Variants in AP1B1 observed in about 807,000 individuals in gnomAD.
The protein encoded by AP1B1 is AP-1 complex subunit beta-1.
In AP1B1, 36 loss-of-function variants were observed where a neutral mutation model predicts 104.3. The ratio of observed to expected loss-of-function variants is 0.35; its 90% CI spans 0.26 to 0.46. AP1B1 has a LOEUF of 0.46. AP1B1 is among the 20% of genes least tolerant of loss of function. The pLI, the probability that AP1B1 is intolerant of heterozygous loss-of-function variation, is 1.00. For synonymous variants in AP1B1, 504 were observed against 517.5 expected, an observed-to-expected ratio of 0.97 and a Z score of 0.35; for missense variants, 901 against 1,247.9, an observed-to-expected ratio of 0.72 and a Z score of 4.19.
intron 5 of AP1B1, among the ~76,000 whole-genome samples, chr22:29,357,672 G>A (rs1461622116): frequency 3.4e-5 from 5 of 149,144 alleles, no homozygotes; most frequent in South Asian, 2.1e-4. Flanking sequence ...GCCACTGCGC[G>A]CGGCCTCAGG....
chr22:29,368,244 G>A (rs2148024432), intron 1 of AP1B1, among the ~76,000 whole-genome samples: 1 of 152,182 alleles, frequency 6.6e-6, no homozygotes, highest in South Asian at 2.1e-4. Context: ...GCTGCAGTAA[G>A]CTGAGACCAC....
chr22:29,362,009 G>T (rs1435470791), intron 3 of AP1B1, among the ~76,000 whole-genome samples: 1 of 152,110 alleles, frequency 6.6e-6, no homozygotes, highest in African/African-American at 2.4e-5. Flanking sequence ...GGCCAGGCTG[G>T]TCTTGAACTC....
intron 21 of AP1B1, chr22:29,330,120 G>A: frequency 7.0e-7 from 1 of 1,420,632 alleles, no homozygotes; most frequent in Middle Eastern, 1.9e-4. Flanking sequence ...CAAACCAACT[G>A]CACCACCTTA....
intron 21 of AP1B1, 173 bp from the exon 22 acceptor site, chr22:29,329,893 G>T: frequency 4.8e-6 from 7 of 1,456,040 alleles, no homozygotes; most frequent in Non-Finnish European, 6.3e-6. Context: ...GGGTGTGGGG[G>T]AGAAGCAGAG....
intron 1 of AP1B1, among the ~76,000 whole-genome samples, chr22:29,378,552 CAAAA>C (rs145933767): frequency 6.2e-5 from 3 of 48,476 alleles, no homozygotes; most frequent in Admixed American, 5.8e-4. Flanking sequence ...AACTCCGTAT[CAAAA>C]AAAAAAAAAA....
chr22:29,342,311 G>A lies in AP1B1; in HGVS notation c.1510C>T (p.Gln504Ter). 6.2e-7 allele frequency: 1 copy of A among 1,614,064 alleles called. No homozygotes were observed. Among genetic ancestry groups the A allele is most frequent in the Non-Finnish European group, 8.5e-7 (1 of 1,179,976 alleles). Residue 504 changes from glutamine (Q) to a stop codon, truncating the protein, a stop_gained, in exon 12 of 23, where the codon CAG (glutamine) becomes TAG (stop). Coordinates refer to ENST00000357586, the MANE Select transcript of AP1B1 (RefSeq NM_001127.4). LOFTEE classifies it high-confidence loss of function. ...TGAGTGGCCAAACTGAGGACCTGCT[G>A]CACCAGCTCCTGGGTCTCTGTTGGC... ...KKPTETQELV[Q>*]QVLSLATQDS...
At chr22:29,361,267 G>A (rs2062041619) in intron 3 of AP1B1, among the ~76,000 whole-genome samples, 1 of 152,216 alleles carries the variant, frequency 6.6e-6, no homozygotes, top group Non-Finnish European at 1.5e-5. Context: ...GCTGCTGGCA[G>A]GAGGTCCTTT....
intron 11 of AP1B1, among the ~76,000 whole-genome samples, chr22:29,344,251 G>A (rs1223398473): frequency 6.6e-6 from 1 of 152,164 alleles, no homozygotes; most frequent in Admixed American, 6.5e-5. Flanking sequence ...CCGGATGCCT[G>A]GAATTATTCA....
In AP1B1 at chr22:29,354,862, C is replaced by T; in HGVS notation, c.726G>A (p.Glu242=). 2 of 1,614,026 alleles carry T rather than the reference C, an allele frequency of 1.2e-6. No homozygotes were observed. The highest frequency in any genetic ancestry group is 1.7e-6 in the Non-Finnish European group (2 of 1,179,960). Residue 242 remains glutamate (E), a synonymous_variant, in exon 7 of 23, where the codon GAG becomes GAA. Coordinates refer to ENST00000357586, the MANE Select transcript of AP1B1 (RefSeq NM_001127.4). ...KDDREAQSIC[E]RVTPRLSHAN... ...CATGGGAGAGCCTGGGGGTGACCCG[C>T]TCACAGATGCTGGGGTCCGTCCATT... is the stretch of plus-strand genomic sequence containing the variant.
chr22:29,354,548 T>C lies in AP1B1; in HGVS notation c.938+102A>G, dbSNP rs2061925536. The C allele has an allele frequency of 2.6e-5, 30 of 1,138,604 alleles. No homozygotes were observed. In the South Asian group the frequency reaches 4.2e-4, roughly 16 times the overall value. The allele number at this position is 1,138,604 out of a possible 1,614,324, so 70.5% of individuals were successfully genotyped here. A position where few individuals can be genotyped will look rare whatever the true frequency, so the allele number is the denominator to read the frequency against. On this transcript the variant is annotated intron_variant, in intron 7 of 22. Coordinates refer to ENST00000357586, the MANE Select transcript of AP1B1 (RefSeq NM_001127.4). ...TATTCTGGGTTAAGCTATTTGAGACTTCCTGCATGGTGACAGGTCAGTTTC... is the reference window on the plus strand; with the variant it reads ...TATTCTGGGTTAAGCTATTTGAGACCTCCTGCATGGTGACAGGTCAGTTTC...
intron 15 of AP1B1, 108 bp downstream of exon 15, chr22:29,339,646 A>T (rs1018247198): frequency 5.9e-6 from 7 of 1,189,514 alleles, no homozygotes; most frequent in Non-Finnish European, 6.0e-6. Context: ...GGGGCTCAGC[A>T]GGTGGAGGCT....
At chr22:29,364,475 G>A (rs1402335640) in intron 2 of AP1B1, among the ~76,000 whole-genome samples, 1 of 152,200 alleles carries the variant, frequency 6.6e-6, no homozygotes, top group African/African-American at 2.4e-5. Flanking sequence ...CTGGAGTGCA[G>A]TGGCCCCATC....
chr22:29,335,468 C>T (rs2061625205), intron 16 of AP1B1, among the ~76,000 whole-genome samples: 1 of 152,104 alleles, frequency 6.6e-6, no homozygotes, highest in African/African-American at 2.4e-5. Flanking sequence ...TGAAGGCCAC[C>T]TCTTACATCT....
At chr22:29,378,953 A>G (rs562532526) in intron 1 of AP1B1, among the ~76,000 whole-genome samples, 1 of 152,208 alleles carries the variant, frequency 6.6e-6, no homozygotes, top group African/African-American at 2.4e-5. Context: ...CAAATGTCAC[A>G]TGCAAACGTT....
chr22:29,365,855 C>T (rs1460560463), intron 2 of AP1B1, among the ~76,000 whole-genome samples: 8 of 151,676 alleles, frequency 5.3e-5, no homozygotes, highest in African/African-American at 4.9e-5. Context: ...CTCCCACAGT[C>T]CCCCCTGGAC....
At chr22:29,364,706 G>T (rs1355760083) in intron 2 of AP1B1, among the ~76,000 whole-genome samples, 1 of 148,962 alleles carries the variant, frequency 6.7e-6, no homozygotes, top group Non-Finnish European at 1.5e-5. Flanking sequence ...GAGCCACCAC[G>T]CCCGGCCATT....
At chr22:29,347,139 T>G (rs2061805467) in intron 11 of AP1B1, among the ~76,000 whole-genome samples, 1 of 152,156 alleles carries the variant, frequency 6.6e-6, no homozygotes, top group South Asian at 2.1e-4. Context: ...TGGGAGCCTA[T>G]CCATGGCAGA....
chr22:29,343,394 CAG>C (rs758666910), intron 11 of AP1B1, among the ~76,000 whole-genome samples: 2 of 152,338 alleles, frequency 1.3e-5, no homozygotes, highest in Non-Finnish European at 2.9e-5. Flanking sequence ...GGAAGGCTGA[CAG>C]AGGCAGGCAG....
intron 17 of AP1B1, chr22:29,333,313 C>T (rs1204273658): frequency 1.9e-5 from 3 of 154,642 alleles, no homozygotes; most frequent in Non-Finnish European, 4.4e-5. Context: ...TTCCCACTGA[C>T]ACCCAGTGTA....
Sources: gnomAD v4.1 joint callset for allele counts (sites outside exome capture counted in the v4.1 genomes callset) on GRCh38, gnomAD v4.1.1 for gene constraint, MANE v1.5 for transcripts, NCBI Gene and HGNC (gene_info 2026-07-23, HGNC 2026-07-21) for gene names.